Variants in DNPEP observed in about 807,000 individuals in gnomAD.
DNPEP encodes aspartyl aminopeptidase.
Under a neutral mutation model 59.1 loss-of-function variants are expected in DNPEP, and 46 were observed. That is an observed-to-expected ratio of 0.78 (90% CI 0.61 to 0.99). The LOEUF (loss-of-function observed/expected upper bound fraction) is 0.99. DNPEP is among the 50% of genes least tolerant of loss of function. The pLI, the probability that DNPEP is intolerant of heterozygous loss-of-function variation, is 0.00. For missense variants in DNPEP, 617 were observed against 649.9 expected (o/e 0.95, Z 0.55); for synonymous variants, 229 against 242.2 (o/e 0.95, Z 0.50).
chr2:219,381,911 G>A, intron 11 of DNPEP, 68 bp downstream of exon 11: 1 of 1,574,218 alleles, frequency 6.4e-7, no homozygotes, highest in Non-Finnish European at 8.7e-7. Context: ...CCAAGGCAGA[G>A]CCTCAAGGCA....
At chr2:219,388,716 A>G, upstream of DNPEP, 1 of 985,678 alleles carries the variant, frequency 1.0e-6, no homozygotes. Context: ...TCCGACGGGT[A>G]CGGTACAAAG....
intron 11 of DNPEP, 168 bp from the exon 12 acceptor site, chr2:219,381,752 G>A: frequency 3.3e-6 from 3 of 910,298 alleles, no homozygotes; most frequent in Non-Finnish European, 5.2e-6. Flanking sequence ...TCTAGCAATA[G>A]ATGGAAACAA....
chr2:219,374,201 G>A lies in DNPEP; in HGVS notation c.*91C>T, dbSNP rs1357744937. On this transcript the variant is annotated 3_prime_UTR_variant, in exon 15 of 15. Coordinates refer to ENST00000273075, the MANE Select transcript of DNPEP (RefSeq NM_012100.4). ...TAAGCGTAGCACGGAGAGTCTGAGT[G>A]ACAATCCACTTTAATAATCCAGCTT... is the stretch of plus-strand genomic sequence containing the variant. The A allele has an allele frequency of 1.6e-6, 2 of 1,250,726 alleles. No individual in the cohort carries two copies. Among genetic ancestry groups the A allele is most frequent in the Non-Finnish European group, 2.3e-6 (2 of 853,206 alleles). The allele number at this position is 1,250,726 out of a possible 1,614,324, so 77.5% of individuals were successfully genotyped here. A position where few individuals can be genotyped will look rare whatever the true frequency, so the allele number is the denominator to read the frequency against.
At chr2:219,388,077 G>T (rs1002944735), upstream of DNPEP, 1 of 338,778 alleles carries the variant, frequency 3.0e-6, no homozygotes, top group Non-Finnish European at 3.9e-6. Flanking sequence ...CCCTTGCCCC[G>T]CCCCTAGCTT....
chr2:219,386,452 G>C (rs775355517), intron 4 of DNPEP, 41 bp from the exon 5 acceptor site: 1 of 1,612,662 alleles, frequency 6.2e-7, no homozygotes, highest in South Asian at 1.1e-5. Context: ...GCTTCATGAC[G>C]ATATGTGGAG....
intron 14 of DNPEP, 78 bp downstream of exon 14, chr2:219,374,777 G>T: frequency 6.6e-7 from 1 of 1,509,276 alleles, no homozygotes; most frequent in Non-Finnish European, 9.1e-7. Flanking sequence ...TTGTGATGGC[G>T]ATGTTGTCCC....
chr2:219,396,061 C>G (rs1387503581), intron 1 of DNPEP, among the ~76,000 whole-genome samples: 1 of 152,048 alleles, frequency 6.6e-6, no homozygotes, highest in Non-Finnish European at 1.5e-5. Flanking sequence ...TCTCAGGTGC[C>G]TTATGCTGAG....
chr2:219,377,277 CAAAAAAAAAA>C (rs386392672), intron 13 of DNPEP, among the ~76,000 whole-genome samples: 46 of 66,096 alleles, frequency 7.0e-4, no homozygotes, highest in South Asian at 2.3e-3. Flanking sequence ...CTCACTCTGT[CAAAAAAAAAA>C]AAAAAAAAAA....
Position 219,387,807 on chromosome 2 carries a change from C to A in DNPEP, c.-13G>T, listed in dbSNP as rs778471993. 172 of 1,580,748 alleles carry A rather than the reference C, an allele frequency of 1.1e-4. No individual in the cohort carries two copies. Among genetic ancestry groups the A allele is most frequent in the Non-Finnish European group, 1.4e-4 (166 of 1,165,652 alleles). On this transcript the variant is annotated 5_prime_UTR_variant, in exon 1 of 15. Transcript: ENST00000273075. ...TGTGTCCGCTCATCTGGCCTCCGGG[C>A]TCGGCCCGCCCCCACCGCGCCGCCT...
Position 219,382,279 on chromosome 2 carries a change from G to A in DNPEP, c.937-140C>T, listed in dbSNP as rs1283662777. On this transcript the variant is annotated intron_variant, in intron 10 of 14. Coordinates refer to ENST00000273075, the MANE Select transcript of DNPEP (RefSeq NM_012100.4). The stretch of plus-strand genomic sequence containing the variant: ...TTCTTAGCAACACCCCTAACCTGGG[G>A]TCGTCACTGAACACCAGACAGTGGG... 3 of 940,320 alleles carry A rather than the reference G, an allele frequency of 3.2e-6. No individual in the cohort carries two copies. In the East Asian group the frequency reaches 7.9e-5, roughly 25 times the overall value. The allele number at this position is 940,320 out of a possible 1,614,324, so 58.2% of individuals were successfully genotyped here. A position where few individuals can be genotyped will look rare whatever the true frequency, so the allele number is the denominator to read the frequency against.
At chr2:219,388,655 G>C (rs1574996100), upstream of DNPEP, 1 of 982,044 alleles carries the variant, frequency 1.0e-6, no homozygotes, top group South Asian at 4.7e-5. Flanking sequence ...CCGCCTCCCC[G>C]TGCCCCGGGC....
rs774878526 is a variant in DNPEP at position 219,385,950 on chromosome 2, G to C, written c.590+18C>G. ...TTCTCCATCCCTCCCAGCCACCGCA[G>C]CCCTGCCCCAGTCTCACAGATGCAT... is the stretch of plus-strand genomic sequence containing the variant. On this transcript the variant is annotated intron_variant, in intron 6 of 14. Coordinates refer to ENST00000273075, the MANE Select transcript of DNPEP (RefSeq NM_012100.4). 1.9e-6 allele frequency: 3 copies of C among 1,613,630 alleles called. No individual in the cohort carries two copies. Among genetic ancestry groups the C allele is most frequent in the African/African-American group, 1.3e-5 (1 of 75,026 alleles).
chr2:219,376,512 A>T (rs1953380745), intron 13 of DNPEP, among the ~76,000 whole-genome samples: 2 of 152,118 alleles, frequency 1.3e-5, no homozygotes, highest in Admixed American at 6.5e-5. Context: ...AAAAGAAAAA[A>T]AAAGGAAAAG....
chr2:219,387,940 T>TG, upstream of DNPEP: 1 of 1,343,782 alleles, frequency 7.4e-7, no homozygotes, highest in Non-Finnish European at 9.5e-7. Context: ...GCCCCATGTT[T>TG]GGCCTCCCCG....
intron 9 of DNPEP, among the ~76,000 whole-genome samples, chr2:219,383,763 T>A (rs1162993872): frequency 6.6e-6 from 1 of 152,072 alleles, no homozygotes; most frequent in Non-Finnish European, 1.5e-5. Flanking sequence ...TAGATGCAGG[T>A]CCCAGGTCCA....
upstream of DNPEP, among the ~76,000 whole-genome samples, chr2:219,390,271 G>T (rs549469854): frequency 6.6e-6 from 1 of 152,136 alleles, no homozygotes; most frequent in Non-Finnish European, 1.5e-5. Context: ...AAGTAAAATT[G>T]GTCATTATTT....
At chr2:219,380,641 C>A (rs1256750861) in intron 13 of DNPEP, among the ~76,000 whole-genome samples, 2 of 152,128 alleles carry the variant, frequency 1.3e-5, no homozygotes, top group Admixed American at 1.3e-4. Context: ...CACCACACAA[C>A]CTAGGTGTGC....
chr2:219,388,821 A>C, upstream of DNPEP: 1 of 985,460 alleles, frequency 1.0e-6, no homozygotes, highest in South Asian at 4.7e-5. Context: ...TATGATAAAG[A>C]TTGGCCTGTT....
intron 13 of DNPEP, among the ~76,000 whole-genome samples, chr2:219,378,770 C>T (rs1444925452): frequency 1.5e-4 from 23 of 152,198 alleles, no homozygotes; most frequent in Non-Finnish European, 2.9e-5. Context: ...TAATGCATGA[C>T]TCACTTGTTT....
Sources: allele counts gnomAD v4.1 joint callset (sites outside exome capture counted in the v4.1 genomes callset), GRCh38; gene constraint gnomAD v4.1.1; transcripts MANE v1.5; gene names NCBI Gene and HGNC (gene_info 2026-07-23, HGNC 2026-07-21).